Variants in VPS13A observed in about 807,000 individuals in gnomAD.
The protein encoded by VPS13A is intermembrane lipid transfer protein VPS13A.
Under a neutral mutation model 390.9 loss-of-function variants are expected in VPS13A, and 264 were observed. The observed-to-expected ratio is 0.68, with a 90% CI of 0.61 to 0.75. The LOEUF is 0.75. Among genes scored for constraint, VPS13A ranks in the 30% least tolerant of loss-of-function variants. The pLI, the probability that VPS13A is intolerant of heterozygous loss-of-function variation, is 0.00. For synonymous variants in VPS13A, 1,231 were observed against 1,227.1 expected (o/e 1.00, Z -0.07); for missense variants, 3,409 against 3,733.9 (o/e 0.91, Z 2.27).
chr9:77,388,852 A>G (rs1049739791), intron 68 of VPS13A, among the ~76,000 whole-genome samples: 11 of 152,220 alleles, frequency 7.2e-5, no homozygotes, highest in Admixed American at 2.0e-4. Flanking sequence ...TTTTCTGAGT[A>G]TATTCAATAA....
intron 59 of VPS13A, among the ~76,000 whole-genome samples, chr9:77,364,379 C>T (rs1216001510): frequency 3.9e-5 from 6 of 152,004 alleles, no homozygotes; most frequent in Admixed American, 3.3e-4. Context: ...GAGCCGAGAT[C>T]GCGCCACTGC....
At chr9:77,204,952 A>G (rs1825550912) in intron 3 of VPS13A, among the ~76,000 whole-genome samples, 1 of 152,144 alleles carries the variant, frequency 6.6e-6, no homozygotes, top group Non-Finnish European at 1.5e-5. Context: ...TAAAGCATTA[A>G]AAAATATAGG....
chr9:77,259,699 T>C (rs1587439040), intron 22 of VPS13A, among the ~76,000 whole-genome samples: 1 of 152,196 alleles, frequency 6.6e-6, no homozygotes. Flanking sequence ...AGTTTTCTCA[T>C]AGGAAGCATG....
chr9:77,366,711 CTCTT>C lies in VPS13A; in HGVS notation c.8326-14_8326-11del, dbSNP rs1563963588. ...GAAGAAAATACTTTTAAATATTTAT[CTCTT>C]TATCTTTTTAGTTACATTTAAGTGT... On this transcript the variant is annotated splice_polypyrimidine_tract_variant and intron_variant, in intron 60 of 71. Transcript: ENST00000360280. 1.9e-6 allele frequency: 3 copies of C among 1,593,990 alleles called. No individual in the cohort carries two copies. The highest frequency in any genetic ancestry group is 2.6e-6 in the Non-Finnish European group (3 of 1,167,364).
chr9:77,314,046 T>C lies in VPS13A; in HGVS notation c.4169T>C (p.Val1390Ala), dbSNP rs777759739. Reference sequence around the variant, plus strand: ...GAAGTACATTCACGTGCCTTACTAGTTAAGACAACACTAAACATAAGCTTC... The same window carrying C: ...GAAGTACATTCACGTGCCTTACTAGCTAAGACAACACTAAACATAAGCTTC... ...VVEVHSRALLVKTTLNISFKT... is the reference protein window; with the variant it reads ...VVEVHSRALLAKTTLNISFKT... Residue 1390 changes from valine (V) to alanine (A), a missense_variant, in exon 36 of 72, where the codon GTT becomes GCT. Physicochemically the swap from Val to Ala is moderately conservative, Grantham distance 64 (BLOSUM62 0). Coordinates refer to ENST00000360280, the MANE Select transcript of VPS13A (RefSeq NM_033305.3). 6.2e-7 allele frequency: 1 copy of C among 1,613,434 alleles called. No homozygotes were observed.
At chr9:77,407,923 A>C (rs1834704085) in intron 71 of VPS13A, among the ~76,000 whole-genome samples, 1 of 152,158 alleles carries the variant, frequency 6.6e-6, no homozygotes, top group East Asian at 1.9e-4. Flanking sequence ...TTTAGTGTTA[A>C]TCCATCAGCT....
At chr9:77,195,384 A>G (rs1295271137) in intron 1 of VPS13A, among the ~76,000 whole-genome samples, 1 of 152,110 alleles carries the variant, frequency 6.6e-6, no homozygotes, top group Non-Finnish European at 1.5e-5. Context: ...TCGGCCTCCC[A>G]AAGTGCTGGG....
At chr9:77,335,864 A>G (rs1038218043) in intron 46 of VPS13A, among the ~76,000 whole-genome samples, 1 of 152,184 alleles carries the variant, frequency 6.6e-6, no homozygotes, top group African/African-American at 2.4e-5. Flanking sequence ...TATATACCCA[A>G]AGAACTATAA....
At chr9:77,331,921 G>T in intron 45 of VPS13A, 89 bp from the exon 46 acceptor site, 2 of 847,142 alleles carry the variant, frequency 2.4e-6, no homozygotes, top group Non-Finnish European at 4.0e-6. Context: ...TAGTTCCTTT[G>T]TTAAGATAGT....
At chr9:77,301,374 A>C (rs1030428723) in intron 33 of VPS13A, among the ~76,000 whole-genome samples, 1 of 152,228 alleles carries the variant, frequency 6.6e-6, no homozygotes, top group Non-Finnish European at 1.5e-5. Flanking sequence ...TGTGTGCAGC[A>C]TTCCCTATGG....
chr9:77,190,449 A>T (rs1384817396), intron 1 of VPS13A, among the ~76,000 whole-genome samples: 3 of 152,088 alleles, frequency 2.0e-5, no homozygotes, highest in Non-Finnish European at 4.4e-5. Flanking sequence ...CTACTTGATC[A>T]TGGTAGATGT....
At chr9:77,385,083 TA>T (rs1158841375) in intron 68 of VPS13A, 71 of 987,432 alleles carry the variant, frequency 7.2e-5, no homozygotes, top group South Asian at 2.7e-4. Context: ...TGCCACTGTG[TA>T]AAAAAAAAGG....
chr9:77,278,758 G>A (rs1329395775), intron 26 of VPS13A, among the ~76,000 whole-genome samples: 4 of 152,174 alleles, frequency 2.6e-5, no homozygotes, highest in African/African-American at 9.7e-5. Flanking sequence ...TAATTTTCTA[G>A]CAACCGTAAG....
Position 77,339,773 on chromosome 9 carries a change from T to C in VPS13A, c.6636T>C (p.His2212=). 1 of 1,614,146 alleles carries C rather than the reference T, an allele frequency of 6.2e-7. No individual in the cohort carries two copies. The highest frequency in any genetic ancestry group is 1.3e-5 in the African/African-American group (1 of 75,064). ...CTGGTCAGACAGTTGTGGCATTTCA[T>C]AGTCCTTATTGGATGGTCAATAAAA... ...YNTGQTVVAF[H]SPYWMVNKTG... The change falls in exon 48 of 72, where the codon CAT becomes CAC. Residue 2212 remains histidine, a synonymous_variant. Coordinates refer to ENST00000360280, the MANE Select transcript of VPS13A (RefSeq NM_033305.3).
chr9:77,375,286 A>G (rs1833005208), intron 67 of VPS13A, among the ~76,000 whole-genome samples: 1 of 152,204 alleles, frequency 6.6e-6, no homozygotes, highest in African/African-American at 2.4e-5. Flanking sequence ...TGTACCTGTG[A>G]AAAAAGACAC....
At chr9:77,368,177 G>A (rs1018295990) in intron 62 of VPS13A, 41 bp downstream of exon 62, 2 of 1,531,420 alleles carry the variant, frequency 1.3e-6, no homozygotes, top group Non-Finnish European at 9.0e-7. Context: ...GAGTGATACA[G>A]ACTGGTAAAA....
chr9:77,317,772 C>A, intron 40 of VPS13A, 74 bp downstream of exon 40: 1 of 1,156,508 alleles, frequency 8.6e-7, no homozygotes, highest in South Asian at 1.6e-5. Context: ...GTTATTATAG[C>A]AAGTCTTTTA....
intron 61 of VPS13A, 37 bp from the exon 62 acceptor site, chr9:77,368,018 C>T (rs751088773): frequency 4.5e-6 from 7 of 1,547,108 alleles, no homozygotes; most frequent in South Asian, 1.1e-5. Context: ...TTTCTTCATA[C>T]ACATGTACAG....
intron 7 of VPS13A, among the ~76,000 whole-genome samples, chr9:77,212,336 A>G (rs538350678): frequency 5.9e-5 from 9 of 152,190 alleles, no homozygotes; most frequent in Non-Finnish European, 1.0e-4. Context: ...AATGTGCCAT[A>G]TATTTGTGTA....
Sources: allele counts gnomAD v4.1 joint callset (sites outside exome capture counted in the v4.1 genomes callset), GRCh38; gene constraint gnomAD v4.1.1; transcripts MANE v1.5; gene names NCBI Gene and HGNC (gene_info 2026-07-23, HGNC 2026-07-21).